Variants in EFL1 observed in about 807,000 individuals in gnomAD.
EFL1 encodes the protein elongation factor like GTPase 1.
Under a neutral mutation model 126.7 loss-of-function variants are expected in EFL1, and 76 were observed. The observed-to-expected ratio is 0.60, with a 90% confidence interval of 0.50 to 0.73. The LOEUF is 0.73. Among genes scored for constraint, EFL1 ranks in the 30% least tolerant of loss-of-function variants. EFL1 has a pLI of 0.00. For synonymous variants in EFL1, 410 were observed against 448.4 expected, an observed-to-expected ratio of 0.91 and a Z score of 1.08; for missense variants, 1,128 against 1,343.2, an observed-to-expected ratio of 0.84 and a Z score of 2.50.
intron 8 of EFL1, 36 bp from the exon 9 acceptor site, chr15:82,229,146 C>A: frequency 6.7e-7 from 1 of 1,501,690 alleles, no homozygotes; most frequent in South Asian, 1.2e-5. Context: ...AGTTCCTGAA[C>A]ATTTAATAGG....
intron 15 of EFL1, among the ~76,000 whole-genome samples, chr15:82,210,986 G>A (rs1269085949): frequency 6.6e-6 from 1 of 151,626 alleles, no homozygotes; most frequent in Non-Finnish European, 1.5e-5. Flanking sequence ...GGCTTTGAGT[G>A]TTAATTATTA....
At position 82,152,358 on chromosome 15, in the gene EFL1, G is replaced by A; in HGVS notation, c.2096C>T (p.Pro699Leu). Reference sequence around the variant, plus strand: ...TTCATTGACCATGTCAACTTTTGGGGGTTTTGTGATTGTTTCTCTGAATGG... The same window carrying A: ...TTCATTGACCATGTCAACTTTTGGGAGTTTTGTGATTGTTTCTCTGAATGG... ...IIPFRETITK[P>L]PKVDMVNEEI... Residue 699 changes from proline to leucine, a missense_variant, in exon 18 of 20, where the codon CCC becomes CTC. By Grantham distance (98) the Pro-to-Leu change is moderately conservative. Transcript: ENST00000268206. 3 of 1,613,518 alleles carry A rather than the reference G, an allele frequency of 1.9e-6. No homozygotes were observed. The highest frequency in any genetic ancestry group is 2.5e-6 in the Non-Finnish European group (3 of 1,180,002).
At chr15:82,169,452 G>GT (rs2074111462) in intron 15 of EFL1, among the ~76,000 whole-genome samples, 1 of 152,042 alleles carries the variant, frequency 6.6e-6, no homozygotes, top group Non-Finnish European at 1.5e-5. Flanking sequence ...AGTCTTGGTG[G>GT]TTTTTTAGGA....
rs1319348019 is a variant in EFL1, at chr15:82,130,446, C to T, written c.3290G>A (p.Arg1097Gln). ...ARKYMNAVRK[R>Q]KGLYVEEKIV... ...CTTTTCTTCCACATAAAGCCCCTTC[C>T]GCTTTCGTACTGCGTTCATGTACTT... is the stretch of plus-strand genomic sequence containing the variant. The change falls in exon 20 of 20, where the codon CGG becomes CAG. Residue 1097 changes from arginine (R) to glutamine (Q), a missense_variant. Arg to Gln is a conservative substitution (Grantham distance 43, BLOSUM62 1). This residue lies in a region of EFL1 where 561 missense variants were observed against 641.7 expected (regional missense o/e 0.87). Coordinates refer to ENST00000268206, the MANE Select transcript of EFL1 (RefSeq NM_024580.6). The T allele has an allele frequency of 6.2e-7, 1 of 1,614,180 alleles. No individual in the cohort carries two copies. The highest frequency in any genetic ancestry group is 1.1e-5 in the South Asian group (1 of 91,082).
At chr15:82,227,618 C>T (rs370521131) in intron 10 of EFL1, 46 bp from the exon 11 acceptor site, 1 of 1,612,488 alleles carries the variant, frequency 6.2e-7, no homozygotes, top group African/African-American at 1.3e-5. Flanking sequence ...CAGTGCCTCC[C>T]ACCAAGGCGA....
At chr15:82,222,102 C>G (rs560471573) in intron 12 of EFL1, among the ~76,000 whole-genome samples, 112 of 152,260 alleles carry the variant, frequency 7.4e-4, no homozygotes, top group African/African-American at 2.6e-3. Context: ...GGAAAAAATA[C>G]CAGAGGTACC....
chr15:82,242,106 C>A (rs997655107), intron 4 of EFL1, among the ~76,000 whole-genome samples: 3 of 152,162 alleles, frequency 2.0e-5, no homozygotes, highest in African/African-American at 4.8e-5. Flanking sequence ...AAAAAAAGAT[C>A]ATCTTAGGTT....
At position 82,262,604 on chromosome 15, in the gene EFL1, C is replaced by A. The variant is rs78037967; in HGVS notation, c.-20+10G>T. 16 of 391,478 alleles carry A rather than the reference C, an allele frequency of 4.1e-5. No homozygotes were observed. Among genetic ancestry groups the A allele is most frequent in the East Asian group, 3.4e-4 (5 of 14,566 alleles). 24.3% of individuals were successfully genotyped at this position (391,478 alleles called of 1,614,324 possible). On this transcript the variant is annotated intron_variant, in intron 1 of 19. Transcript: ENST00000268206. ...GGAGGTTCCAGCCCCCAGCGCCAGC[C>A]CACACTCACCGGCTGCAGCAGCCCC...
At chr15:82,175,233 ATG>A (rs1350917665) in intron 15 of EFL1, among the ~76,000 whole-genome samples, 4 of 152,214 alleles carry the variant, frequency 2.6e-5, no homozygotes, top group Non-Finnish European at 5.9e-5. Context: ...CTGCATCTTG[ATG>A]TGGCACAGGT....
chr15:82,187,787 G>A (rs1275846513), intron 15 of EFL1, among the ~76,000 whole-genome samples: 2 of 151,900 alleles, frequency 1.3e-5, no homozygotes, highest in Admixed American at 6.6e-5. Flanking sequence ...CTAGAGGAGG[G>A]AATATTTGTT....
intron 17 of EFL1, among the ~76,000 whole-genome samples, chr15:82,155,370 C>T (rs370519746): frequency 1.7e-4 from 26 of 152,132 alleles, no homozygotes; most frequent in East Asian, 7.7e-4. Context: ...GGCGTGGTGG[C>T]GTGCACCTGT....
chr15:82,215,756 G>T (rs1383475167), intron 14 of EFL1: 7 of 152,148 alleles, frequency 4.6e-5, no homozygotes, highest in Non-Finnish European at 1.0e-4. Flanking sequence ...AGGTAGTATA[G>T]GCAAGTAAAT....
intron 11 of EFL1, 145 bp downstream of exon 11, chr15:82,227,305 C>T (rs750484793): frequency 4.0e-5 from 53 of 1,309,174 alleles, no homozygotes; most frequent in Non-Finnish European, 5.2e-5. Context: ...GTGAAATGGT[C>T]ATTTGTGAAA....
At chr15:82,239,387 C>T (rs1192636683) in intron 6 of EFL1, among the ~76,000 whole-genome samples, 4 of 152,190 alleles carry the variant, frequency 2.6e-5, no homozygotes, top group African/African-American at 7.2e-5. Flanking sequence ...CCACCCGCCT[C>T]GGCCTCCCAA....
chr15:82,239,868 G>A (rs2074913222), intron 6 of EFL1, among the ~76,000 whole-genome samples: 1 of 152,008 alleles, frequency 6.6e-6, no homozygotes, highest in Non-Finnish European at 1.5e-5. Context: ...ACCCAGACTG[G>A]GTTAGATGGC....
intron 18 of EFL1, among the ~76,000 whole-genome samples, chr15:82,151,221 C>CA (rs1177436488): frequency 1.1e-4 from 16 of 152,016 alleles, no homozygotes; most frequent in Admixed American, 9.8e-4. Context: ...TCAGTCTCTA[C>CA]AAAAAACACA....
chr15:82,153,469 CTT>C (rs2073934998), intron 17 of EFL1, among the ~76,000 whole-genome samples: 1 of 151,646 alleles, frequency 6.6e-6, no homozygotes, highest in African/African-American at 2.4e-5. Context: ...TAAAAAAAAA[CTT>C]ATTATGTATG....
chr15:82,215,031 C>T (rs932009100), intron 14 of EFL1, among the ~76,000 whole-genome samples, 176 bp from the exon 15 acceptor site: 1 of 152,204 alleles, frequency 6.6e-6, no homozygotes, highest in African/African-American at 2.4e-5. Flanking sequence ...TGAATAAAAT[C>T]TGAAATACTC....
intron 18 of EFL1, among the ~76,000 whole-genome samples, chr15:82,141,229 T>A (rs2073783201): frequency 6.6e-6 from 1 of 152,152 alleles, no homozygotes. Flanking sequence ...TCTGAAAAGG[T>A]CCCAAAACAG....
Sources: allele counts gnomAD v4.1 joint callset (sites outside exome capture counted in the v4.1 genomes callset), GRCh38; gene constraint gnomAD v4.1.1; regional missense constraint gnomAD v4.1.1; transcripts MANE v1.5; gene names NCBI Gene and HGNC (gene_info 2026-07-23, HGNC 2026-07-21).